Variants in FNDC3B observed in about 807,000 individuals in gnomAD.
FNDC3B encodes the protein fibronectin type III domain containing 3B, also known as fibronectin type III domain-containing protein 3B.
A neutral mutation model predicts 151.5 loss-of-function variants in FNDC3B; 12 were observed. The ratio of observed to expected loss-of-function variants is 0.08; its 90% CI spans 0.05 to 0.13. The LOEUF is 0.13. Ranked by LOEUF, FNDC3B falls within the 10% of genes least tolerant of loss-of-function variation. The probability of loss-of-function intolerance (pLI) is 1.00; values close to 1 mark genes in which losing one functional copy is unlikely to be tolerated. For missense variants in FNDC3B, 1,214 were observed against 1,505.3 expected, an observed-to-expected ratio of 0.81 and a Z score of 3.20; for synonymous variants, 528 against 549.0, an observed-to-expected ratio of 0.96 and a Z score of 0.54.
chr3:172,241,449 G>A (rs1430787989), intron 4 of FNDC3B, among the ~76,000 whole-genome samples: 2 of 152,092 alleles, frequency 1.3e-5, no homozygotes, highest in Admixed American at 1.3e-4. Flanking sequence ...ACAAGATTGG[G>A]CAATTTACAT....
At chr3:172,345,709 G>C (rs904648667) in intron 19 of FNDC3B, among the ~76,000 whole-genome samples, 2 of 152,110 alleles carry the variant, frequency 1.3e-5, no homozygotes, top group African/African-American at 4.8e-5. Flanking sequence ...AAAATGGGTG[G>C]TTCAGGTGGC....
At chr3:172,246,957 A>G (rs1727812849) in intron 4 of FNDC3B, among the ~76,000 whole-genome samples, 1 of 152,200 alleles carries the variant, frequency 6.6e-6, no homozygotes, top group African/African-American at 2.4e-5. Context: ...TTTCATCCAT[A>G]TCCTCAGTCC....
intron 11 of FNDC3B, among the ~76,000 whole-genome samples, chr3:172,313,589 G>A (rs934070688): frequency 7.2e-5 from 11 of 152,170 alleles, no homozygotes; most frequent in Non-Finnish European, 1.5e-4. Context: ...GATCTGTGAC[G>A]TAGTAAAGAT....
At chr3:172,186,921 A>G (rs1219008630) in intron 3 of FNDC3B, 11 of 534,276 alleles carry the variant, frequency 2.1e-5, no homozygotes, top group Non-Finnish European at 3.6e-5. Flanking sequence ...TACCATCAAC[A>G]ATGTGATTCA....
chr3:172,339,940 G>A (rs558655184), intron 16 of FNDC3B, among the ~76,000 whole-genome samples: 4 of 152,322 alleles, frequency 2.6e-5, no homozygotes, highest in Middle Eastern at 3.4e-3. Flanking sequence ...CTAATAAGCC[G>A]CTGGGGGAAT....
intron 8 of FNDC3B, among the ~76,000 whole-genome samples, chr3:172,296,241 G>A (rs183592878): frequency 1.5e-4 from 23 of 152,272 alleles, no homozygotes; most frequent in African/African-American, 4.6e-4. Context: ...GTGACTGCCC[G>A]TGCCCAGGGT....
chr3:172,180,754 A>C (rs1723847938), intron 3 of FNDC3B, among the ~76,000 whole-genome samples: 1 of 152,348 alleles, frequency 6.6e-6, no homozygotes, highest in Admixed American at 6.5e-5. Context: ...AAAGATGCCC[A>C]TATAGGAAAG....
intron 3 of FNDC3B, among the ~76,000 whole-genome samples, chr3:172,192,169 G>GGT (rs1553771177): frequency 2.3e-5 from 2 of 87,364 alleles, no homozygotes; most frequent in Non-Finnish European, 4.9e-5. Context: ...TTTTGTGTGT[G>GGT]TTTTTTGTTT....
intron 3 of FNDC3B, among the ~76,000 whole-genome samples, chr3:172,137,756 C>G (rs1324734063): frequency 6.6e-6 from 1 of 152,174 alleles, no homozygotes; most frequent in African/African-American, 2.4e-5. Flanking sequence ...TGGAATATTT[C>G]TCAATATTTC....
At chr3:172,068,117 G>A (rs1462603457) in intron 1 of FNDC3B, among the ~76,000 whole-genome samples, 2 of 152,146 alleles carry the variant, frequency 1.3e-5, no homozygotes, top group Non-Finnish European at 2.9e-5. Flanking sequence ...GCTCTTTTCA[G>A]GGGATTCTAT....
chr3:172,247,221 G>A (rs1026581971), intron 4 of FNDC3B, among the ~76,000 whole-genome samples: 5 of 152,134 alleles, frequency 3.3e-5, no homozygotes, highest in South Asian at 2.1e-4. Flanking sequence ...AAATTCACTC[G>A]TCTTGGATGA....
chr3:172,303,695 A>G (rs373542516), intron 9 of FNDC3B, among the ~76,000 whole-genome samples: 80 of 151,174 alleles, frequency 5.3e-4, no homozygotes, highest in African/African-American at 1.8e-3. Context: ...TTACATGATG[A>G]TATTTATGGA....
Position 172,295,440 on chromosome 3 carries a change from T to C in FNDC3B, c.927T>C (p.Gly309=), listed in dbSNP as rs1263077417. 1.2e-6 allele frequency: 2 copies of C among 1,613,858 alleles called. No individual in the cohort carries two copies. The highest frequency in any genetic ancestry group is 2.7e-5 in the African/African-American group (2 of 74,944). Residue 309 remains glycine, a synonymous_variant, in exon 8 of 26, where the codon GGT becomes GGC. Coordinates refer to ENST00000415807, the MANE Select transcript of FNDC3B (RefSeq NM_022763.4). ...PVGLSCGPHS[G]LSFPYSYEVA... ...GACTTTCCTGTGGACCCCACAGTGG[T>C]CTTTCCTTCCCCTACAGTTACGAGG...
chr3:172,294,523 A>G (rs1730494799), intron 7 of FNDC3B, among the ~76,000 whole-genome samples: 1 of 152,170 alleles, frequency 6.6e-6, no homozygotes, highest in Non-Finnish European at 1.5e-5. Context: ...GGGGAAGTCC[A>G]CCACAATGAT....
Position 172,298,710 on chromosome 3 carries a change from A to T in FNDC3B, c.1002-18A>T. The stretch of plus-strand genomic sequence containing the variant: ...TTGAAACTGGAATTAGCAACTAATG[A>T]ATGCTTTTTCTTTACAGTGGAGAAG... On this transcript the variant is annotated intron_variant, in intron 8 of 25. Coordinates refer to ENST00000415807, the MANE Select transcript of FNDC3B (RefSeq NM_022763.4). 1 of 1,584,822 alleles carries T rather than the reference A, an allele frequency of 6.3e-7. No individual in the cohort carries two copies. Among genetic ancestry groups the T allele is most frequent in the Non-Finnish European group, 8.6e-7 (1 of 1,165,876 alleles).
At chr3:172,324,947 T>A (rs1325865583) in intron 11 of FNDC3B, among the ~76,000 whole-genome samples, 1 of 152,090 alleles carries the variant, frequency 6.6e-6, no homozygotes, top group African/African-American at 2.4e-5. Context: ...AGAAGCGGAG[T>A]GCAGCTAGGA....
At chr3:172,359,270 T>C (rs1212332020) in intron 22 of FNDC3B, among the ~76,000 whole-genome samples, 1 of 152,216 alleles carries the variant, frequency 6.6e-6, no homozygotes, top group Non-Finnish European at 1.5e-5. Flanking sequence ...TAGCATTTTT[T>C]TTCTTGAGTA....
chr3:172,285,960 T>G lies in FNDC3B; in HGVS notation c.825T>G (p.Ile275Met). The G allele has an allele frequency of 1.9e-6, 3 of 1,613,006 alleles. No individual in the cohort carries two copies. The highest frequency in any genetic ancestry group is 1.1e-5 in the South Asian group (1 of 90,886). The change falls in exon 7 of 26, where the codon ATT (isoleucine) becomes ATG (methionine). Residue 275 changes from isoleucine to methionine, a missense_variant. By Grantham distance (10) the Ile-to-Met change is conservative (BLOSUM62 1). Transcript: ENST00000415807. ...YELEVKRVQDILSGIEKPQVS... is the reference protein window; with the variant it reads ...YELEVKRVQDMLSGIEKPQVS... ...TGGAAGTAAAGAGGGTGCAAGACAT[T>G]CTTTCGGGAATAGAGAAACCACAGG...
At chr3:172,072,104 G>T (rs972236484) in intron 1 of FNDC3B, among the ~76,000 whole-genome samples, 9 of 149,296 alleles carry the variant, frequency 6.0e-5, no homozygotes, top group South Asian at 4.3e-4. Flanking sequence ...CAGCAGTGCT[G>T]TCCAATAGAA....
Sources: gnomAD v4.1 joint callset for allele counts (sites outside exome capture counted in the v4.1 genomes callset) on GRCh38, gnomAD v4.1.1 for gene constraint, MANE v1.5 for transcripts, NCBI Gene and HGNC (gene_info 2026-07-23, HGNC 2026-07-21) for gene names.